Variants in FRMD3 observed in about 807,000 individuals in gnomAD.
The protein encoded by FRMD3 is FERM domain containing 3.
A neutral mutation model predicts 70.2 loss-of-function variants in FRMD3; 33 were observed. The observed-to-expected ratio is 0.47, with a 90% CI of 0.36 to 0.63. FRMD3 has a LOEUF of 0.63. FRMD3 is among the 20% of genes least tolerant of loss of function. The probability of loss-of-function intolerance (pLI) is 0.00; values close to 1 mark genes in which losing one functional copy is unlikely to be tolerated. For missense variants in FRMD3, 632 were observed against 711.4 expected (o/e 0.89, Z 1.27); for synonymous variants, 279 against 255.9 (o/e 1.09, Z -0.86).
chr9:83,478,406 G>C (rs185421512), intron 1 of FRMD3, among the ~76,000 whole-genome samples: 125 of 152,138 alleles, frequency 8.2e-4, no homozygotes, highest in African/African-American at 2.8e-3. Flanking sequence ...AATGATGCTC[G>C]ACATCACTAA....
chr9:83,272,317 G>A (rs1342388369), intron 13 of FRMD3, among the ~76,000 whole-genome samples: 1 of 151,796 alleles, frequency 6.6e-6, no homozygotes, highest in Admixed American at 6.6e-5. Flanking sequence ...TGTGTTGGCC[G>A]GGCTGGTCTC....
intron 10 of FRMD3, among the ~76,000 whole-genome samples, chr9:83,307,451 T>C (rs1835176076): frequency 6.6e-6 from 1 of 152,252 alleles, no homozygotes; most frequent in African/African-American, 2.4e-5. Flanking sequence ...AAATGTGGTC[T>C]ATTGAAACAA....
rs760074223 is a variant in FRMD3 at position 83,335,676 on chromosome 9, T to G, written c.473-37A>C. 10 of 1,595,878 alleles carry G rather than the reference T, an allele frequency of 6.3e-6. No individual in the cohort carries two copies. The Admixed American group carries it at 8.6e-5, about 14-fold the overall frequency. ...GAAAAAATAAAGAGACAGAGAAAGA[T>G]TAAAAACAATAACATGAGCAGGGTG... On this transcript the variant is annotated intron_variant, in intron 5 of 13. Coordinates refer to ENST00000304195, the MANE Select transcript of FRMD3 (RefSeq NM_174938.6).
chr9:83,267,305 G>T, intron 13 of FRMD3: 1 of 1,440,940 alleles, frequency 6.9e-7, no homozygotes, highest in Non-Finnish European at 9.1e-7. Context: ...TCAGCATTGG[G>T]AGGGGAGGAG....
At chr9:83,467,885 A>C (rs1828171748) in intron 1 of FRMD3, 1 of 1,044,370 alleles carries the variant, frequency 9.6e-7, no homozygotes, top group Admixed American at 3.3e-5. Context: ...GATGCTTTTA[A>C]TTGTTCAAGA....
Position 83,537,869 on chromosome 9 carries a change from G to A in FRMD3, c.147+216C>T, listed in dbSNP as rs1432763216. ...GCACGCGAGGGGAAGGAGACTGGGC[G>A]CGGATAACGCGTGCCTGGCGCTTGC... On this transcript the variant is annotated intron_variant, in intron 1 of 13. Transcript: ENST00000304195. The surrounding 1 kb of genome is among the most constrained non-coding windows in gnomAD (Gnocchi z 4.1). 6.6e-6 allele frequency among the ~76,000 whole-genome samples: 1 copy of A among 152,214 alleles called. No individual in the cohort carries two copies. Among genetic ancestry groups the A allele is most frequent in the Non-Finnish European group, 1.5e-5 (1 of 67,984 alleles).
intron 13 of FRMD3, among the ~76,000 whole-genome samples, chr9:83,254,325 TATATTTTTA>T (rs149225135): frequency 0.21 from 31,829 of 150,896 alleles, 3,545 homozygotes; most frequent in Admixed American, 0.25. Flanking sequence ...TGGTTTTTAA[TATATTTTTA>T]ATATTTTAAA....
chr9:83,287,548 A>G (rs1157268487), intron 13 of FRMD3, among the ~76,000 whole-genome samples: 1 of 152,118 alleles, frequency 6.6e-6, no homozygotes, highest in Non-Finnish European at 1.5e-5. Context: ...CCTGCAAATC[A>G]CACGAGGCCC....
chr9:83,272,268 T>A (rs1404442050), intron 13 of FRMD3, among the ~76,000 whole-genome samples: 1 of 151,660 alleles, frequency 6.6e-6, no homozygotes, highest in Middle Eastern at 3.4e-3. Flanking sequence ...CACGCCTGAC[T>A]GGTTTTCGTT....
At chr9:83,312,477 T>C (rs910838904) in intron 7 of FRMD3, among the ~76,000 whole-genome samples, 3 of 152,172 alleles carry the variant, frequency 2.0e-5, no homozygotes, top group Non-Finnish European at 4.4e-5. Flanking sequence ...AAGCATCTTG[T>C]AGATAAGTGA....
chr9:83,498,389 T>G (rs1234743752), intron 1 of FRMD3, among the ~76,000 whole-genome samples: 1 of 152,138 alleles, frequency 6.6e-6, no homozygotes, highest in African/African-American at 2.4e-5. Flanking sequence ...TCAAATTCCA[T>G]GATAGAAGAT....
At chr9:83,542,588 G>T (rs754410963), upstream of FRMD3, among the ~76,000 whole-genome samples, 5 of 152,156 alleles carry the variant, frequency 3.3e-5, no homozygotes, top group Non-Finnish European at 5.9e-5. Flanking sequence ...TTACTTTGTG[G>T]ATATCAGCAA....
chr9:83,243,419 G>A (rs537075125), downstream of FRMD3, among the ~76,000 whole-genome samples: 2 of 152,316 alleles, frequency 1.3e-5, no homozygotes, highest in African/African-American at 4.8e-5. Flanking sequence ...TCCAGGGTGG[G>A]AATGTTGGTG....
At chr9:83,318,893 T>A (rs1233933115) in intron 6 of FRMD3, among the ~76,000 whole-genome samples, 1 of 152,202 alleles carries the variant, frequency 6.6e-6, no homozygotes, top group Non-Finnish European at 1.5e-5. Context: ...ATTTCTCTGA[T>A]GTTTAGTGAT....
intron 10 of FRMD3, among the ~76,000 whole-genome samples, chr9:83,303,074 G>C (rs1243909982): frequency 6.6e-6 from 1 of 152,160 alleles, no homozygotes; most frequent in Non-Finnish European, 1.5e-5. Flanking sequence ...TTGAAGATCA[G>C]GATAGGTACT....
intron 6 of FRMD3, among the ~76,000 whole-genome samples, chr9:83,317,833 C>T (rs1564012389): frequency 6.6e-6 from 1 of 152,104 alleles, no homozygotes. Context: ...TCAGGAGATA[C>T]CAGCCAGGGT....
At chr9:83,298,563 T>C (rs1390191936) in intron 12 of FRMD3, among the ~76,000 whole-genome samples, 185 bp downstream of exon 12, 1 of 152,200 alleles carries the variant, frequency 6.6e-6, no homozygotes, top group Non-Finnish European at 1.5e-5. Context: ...TGAGAGCACA[T>C]AACTCAAAGT....
At chr9:83,305,382 G>A (rs1287430839) in intron 10 of FRMD3, among the ~76,000 whole-genome samples, 1 of 152,196 alleles carries the variant, frequency 6.6e-6, no homozygotes, top group Admixed American at 6.5e-5. Flanking sequence ...GCAGAACTGA[G>A]CACAGCAAGG....
intron 1 of FRMD3, among the ~76,000 whole-genome samples, chr9:83,422,585 C>T (rs1826677008): frequency 6.6e-6 from 1 of 152,198 alleles, no homozygotes; most frequent in Non-Finnish European, 1.5e-5. Flanking sequence ...CATTTTCCTT[C>T]ACCAAATGGC....
Sources: gnomAD v4.1 joint callset for allele counts (sites outside exome capture counted in the v4.1 genomes callset) on GRCh38, gnomAD v4.1.1 for gene constraint, Gnocchi (gnomAD v3.1) non-coding constraint, MANE v1.5 for transcripts, NCBI Gene and HGNC (gene_info 2026-07-23, HGNC 2026-07-21) for gene names.